KIFBP: variants seen among roughly 807,000 people sequenced by gnomAD.
KIFBP encodes KIF-binding protein.
In KIFBP, 46 loss-of-function variants were observed where a neutral mutation model predicts 58.9. The ratio of observed to expected loss-of-function variants is 0.78; its 90% CI spans 0.62 to 1.00. The LOEUF (loss-of-function observed/expected upper bound fraction) is 1.00. Ranked by LOEUF, KIFBP falls within the 50% of genes least tolerant of loss-of-function variation. KIFBP has a pLI of 0.00. For missense variants in KIFBP, 651 were observed against 752.9 expected (o/e 0.86, Z 1.58); for synonymous variants, 241 against 283.4 (o/e 0.85, Z 1.50).
intron 4 of KIFBP, among the ~76,000 whole-genome samples, chr10:69,008,391 A>AAAAAAAATATAT: frequency 1.4e-5 from 1 of 71,590 alleles, no homozygotes; most frequent in African/African-American, 7.8e-5. Flanking sequence ...AAAAAAAAAA[A>AAAAAAAATATAT]ATATATATAT....
At chr10:68,992,245 C>T (rs1843357862) in intron 1 of KIFBP, among the ~76,000 whole-genome samples, 1 of 152,124 alleles carries the variant, frequency 6.6e-6, no homozygotes, top group South Asian at 2.1e-4. Context: ...CTACCCACCC[C>T]AGCCTCCCAA....
intron 2 of KIFBP, among the ~76,000 whole-genome samples, chr10:69,002,712 G>A (rs951836806): frequency 2.7e-5 from 4 of 150,404 alleles, no homozygotes; most frequent in Non-Finnish European, 5.9e-5. Context: ...ATAGTGATAC[G>A]CTGTCTCTAC....
intron 2 of KIFBP, among the ~76,000 whole-genome samples, chr10:69,001,231 A>G (rs1209165063): frequency 6.6e-6 from 1 of 151,952 alleles, no homozygotes; most frequent in Non-Finnish European, 1.5e-5. Flanking sequence ...TCCACTACAG[A>G]TTCTTCCTCC....
chr10:69,008,391 A>AAAAT lies in KIFBP; in HGVS notation c.790-449_790-448insAATA. 6.1e-3 allele frequency among the ~76,000 whole-genome samples: 438 copies of AAAAT among 71,588 alleles called. 7 individuals are homozygous for AAAAT. Among genetic ancestry groups the AAAAT allele is most frequent in the Middle Eastern group, 0.01 (1 of 96 alleles). 47.0% of individuals were successfully genotyped at this position (71,588 alleles called of 152,430 possible). On this transcript the variant is annotated intron_variant, in intron 4 of 6. Transcript: ENST00000361983. ...CCCCTGTCTCGTAAAAAAAAAAAAA[A>AAAAT]ATATATATATATATATATATATATA... is the stretch of plus-strand genomic sequence containing the variant.
rs1843308221 is a variant in KIFBP at position 68,988,909 on chromosome 10, A to C, written c.77A>C (p.Lys26Thr). Reference sequence around the variant, plus strand: ...GCTCTGTCGCGGGTGGAACTGCATAAAAATCCGGAGAAGGAACCATACAAG... The same window carrying C: ...GCTCTGTCGCGGGTGGAACTGCATACAAATCCGGAGAAGGAACCATACAAG... ...ALALSRVELHKNPEKEPYKSK... is the reference protein window; with the variant it reads ...ALALSRVELHTNPEKEPYKSK... The change falls in exon 1 of 7, where the codon AAA becomes ACA. Residue 26 changes from lysine (K) to threonine (T), a missense_variant. Lys to Thr is a moderately conservative substitution (Grantham distance 78). Transcript: ENST00000361983. 1.2e-6 allele frequency: 2 copies of C among 1,614,122 alleles called. No individual in the cohort carries two copies. Among genetic ancestry groups the C allele is most frequent in the Non-Finnish European group, 1.7e-6 (2 of 1,180,056 alleles).
intron 6 of KIFBP, among the ~76,000 whole-genome samples, chr10:69,012,050 T>TA (rs1309537655): frequency 1.3e-5 from 2 of 152,132 alleles, no homozygotes; most frequent in African/African-American, 4.8e-5. Context: ...ATGGACTTGA[T>TA]AAAATCTAAA....
intron 6 of KIFBP, 184 bp from the exon 7 acceptor site, chr10:69,015,357 G>A: frequency 3.5e-6 from 2 of 569,956 alleles, no homozygotes; most frequent in Non-Finnish European, 6.1e-6. Flanking sequence ...CATTTCTTGA[G>A]TTTTTAATAT....
At chr10:69,007,528 A>G (rs1843548293) in intron 4 of KIFBP, 1 of 152,198 alleles carries the variant, frequency 6.6e-6, no homozygotes, top group South Asian at 2.1e-4. Context: ...AATGACGATA[A>G]ATGTTAAGGG....
intron 1 of KIFBP, chr10:68,991,779 CTT>C (rs1288577254): frequency 2.0e-5 from 3 of 153,300 alleles, no homozygotes; most frequent in Non-Finnish European, 2.9e-5. Context: ...TGGAAGAACT[CTT>C]TGACAGAGAA....
intron 6 of KIFBP, among the ~76,000 whole-genome samples, chr10:69,013,357 C>CAT (rs1250478757): frequency 6.6e-6 from 1 of 152,058 alleles, no homozygotes; most frequent in Admixed American, 6.6e-5. Context: ...AAAGAGGAGG[C>CAT]ATATTAAGGA....
At chr10:68,994,797 G>A (rs1368171429) in intron 1 of KIFBP, among the ~76,000 whole-genome samples, 2 of 151,938 alleles carry the variant, frequency 1.3e-5, no homozygotes, top group Non-Finnish European at 2.9e-5. Flanking sequence ...ATCAAGATAT[G>A]AACATATCTG....
At chr10:69,007,501 A>C (rs1843547976) in intron 4 of KIFBP, 2 of 152,210 alleles carry the variant, frequency 1.3e-5, no homozygotes, top group African/African-American at 4.8e-5. Context: ...ACAGGGAGCC[A>C]ATCTGGACAA....
intron 1 of KIFBP, among the ~76,000 whole-genome samples, chr10:68,996,415 G>C (rs976304561): frequency 6.6e-6 from 1 of 151,944 alleles, no homozygotes; most frequent in East Asian, 1.9e-4. Context: ...ACAAAAATTA[G>C]CTGGGCGTGA....
chr10:69,016,318 G>A lies in KIFBP; in HGVS notation c.1768G>A (p.Ala590Thr), dbSNP rs374731910. The change falls in exon 7 of 7, where the codon GCC becomes ACC. Residue 590 changes from alanine to threonine, a missense_variant. By Grantham distance (58) the Ala-to-Thr change is moderately conservative. Transcript: ENST00000361983. Reference sequence around the variant, plus strand: ...TTACTGTGAAAAGCATCCTGAGGCCGCCCAGGAAATAGAAGTTGAGCTAGA... The same window carrying A: ...TTACTGTGAAAAGCATCCTGAGGCCACCCAGGAAATAGAAGTTGAGCTAGA... ...VDYCEKHPEAAQEIEVELELS... is the reference protein window; with the variant it reads ...VDYCEKHPEATQEIEVELELS... The A allele has an allele frequency of 4.8e-5, 77 of 1,608,872 alleles. No individual in the cohort carries two copies. Among genetic ancestry groups the A allele is most frequent in the African/African-American group, 6.7e-5 (5 of 74,524 alleles).
intron 1 of KIFBP, 109 bp downstream of exon 1, chr10:68,989,367 G>T (rs1843316043): frequency 7.3e-6 from 9 of 1,239,460 alleles, no homozygotes; most frequent in Non-Finnish European, 1.0e-5. Flanking sequence ...TCGTCCCCAC[G>T]TTTTTGTAGC....
In KIFBP at chr10:68,996,433, C is replaced by T. The variant is rs1257877288; in HGVS notation, c.427-3991C>T. Among the ~76,000 whole-genome samples, 11 of 151,558 alleles carry T rather than the reference C, an allele frequency of 7.3e-5. No homozygotes were observed. The South Asian group carries it at 8.4e-4, about 12-fold the overall frequency. On this transcript the variant is annotated intron_variant, in intron 1 of 6. Transcript: ENST00000361983. The stretch of plus-strand genomic sequence containing the variant: ...AAAATTAGCTGGGCGTGATGTTGGG[C>T]GCTTGCAATCCCAGCTACTCTGGAA...
chr10:68,989,333 A>G (rs1369746054), intron 1 of KIFBP, 75 bp downstream of exon 1: 2 of 1,518,990 alleles, frequency 1.3e-6, no homozygotes, highest in Non-Finnish European at 1.8e-6. Context: ...GCCAAGGCCA[A>G]GGGCAGACGT....
At chr10:69,006,772 T>C (rs906432769) in intron 4 of KIFBP, 1 of 152,224 alleles carries the variant, frequency 6.6e-6, no homozygotes, top group African/African-American at 2.4e-5. Flanking sequence ...CTTGGGCCTT[T>C]ATCCTTTTTG....
At chr10:69,004,144 C>T (rs534132201) in intron 2 of KIFBP, among the ~76,000 whole-genome samples, 5 of 147,896 alleles carry the variant, frequency 3.4e-5, no homozygotes, top group African/African-American at 7.5e-5. Context: ...CGCTTGAACC[C>T]GGGAGGCGGA....
Sources: gnomAD v4.1 joint callset for allele counts (sites outside exome capture counted in the v4.1 genomes callset) on GRCh38, gnomAD v4.1.1 for gene constraint, MANE v1.5 for transcripts, NCBI Gene and HGNC (gene_info 2026-07-23, HGNC 2026-07-21) for gene names.